KIF20B: variants seen among roughly 807,000 people sequenced by gnomAD.
The protein encoded by KIF20B is kinesin-like protein KIF20B.
KIF20B carries 188 observed loss-of-function variants against 232.5 expected under a neutral mutation model. The observed-to-expected ratio is 0.81, with a 90% CI of 0.72 to 0.91. The LOEUF (loss-of-function observed/expected upper bound fraction) is 0.91. Ranked by LOEUF, KIF20B falls within the 40% of genes least tolerant of loss-of-function variation. The pLI is 0.00. For missense variants in KIF20B, 2,154 were observed against 2,055.9 expected, an observed-to-expected ratio of 1.05 and a Z score of -0.92; for synonymous variants, 712 against 683.0, an observed-to-expected ratio of 1.04 and a Z score of -0.66.
chr10:89,741,505 AAAT>A (rs1286387830), intron 21 of KIF20B, among the ~76,000 whole-genome samples: 5 of 152,238 alleles, frequency 3.3e-5, no homozygotes, highest in African/African-American at 1.2e-4. Flanking sequence ...GTTTTAAAGC[AAAT>A]AATAATAATT....
chr10:89,705,298 G>T lies in KIF20B; in HGVS notation c.4G>T (p.Glu2Ter). The change falls in exon 2 of 33, where the codon GAA becomes TAA. Residue 2 changes from glutamate (E) to a stop codon, truncating the protein, a stop_gained. Transcript: ENST00000371728. LOFTEE classifies it high-confidence loss of function. Reference sequence around the variant, plus strand: ...AAGTTGCTGTTATTCTTGCAGAATGGAATCTAATTTTAATCAAGAGGGAGT... The same window carrying T: ...AAGTTGCTGTTATTCTTGCAGAATGTAATCTAATTTTAATCAAGAGGGAGT... M[E>*]SNFNQEGVPR... 6.2e-7 allele frequency: 1 copy of T among 1,613,488 alleles called. No individual in the cohort carries two copies. The highest frequency in any genetic ancestry group is 8.5e-7 in the Non-Finnish European group (1 of 1,179,786).
Position 89,709,431 on chromosome 10 carries a change from G to A in KIF20B, c.321G>A (p.Gly107=). The A allele has an allele frequency of 6.2e-7, 1 of 1,612,760 alleles. No individual in the cohort carries two copies. The change falls in exon 4 of 33, where the codon GGG becomes GGA. Residue 107 remains glycine, a synonymous_variant. Coordinates refer to ENST00000371728, the MANE Select transcript of KIF20B (RefSeq NM_001284259.2). ...ILGRLSEKSS[G]QMAQKFSFSK... ...GTCGGTTAAGTGAAAAAAGCTCAGGGCAGATGGCACAGAAATTCAGTTTTT... is the reference window on the plus strand; with the variant it reads ...GTCGGTTAAGTGAAAAAAGCTCAGGACAGATGGCACAGAAATTCAGTTTTT...
intron 16 of KIF20B, 32 bp from the exon 17 acceptor site, chr10:89,727,824 A>G (rs1304772927): frequency 6.6e-7 from 1 of 1,506,294 alleles, no homozygotes; most frequent in Non-Finnish European, 9.1e-7. Context: ...AGATGCTTAG[A>G]TATTTATTTT....
intron 13 of KIF20B, chr10:89,723,747 C>T: frequency 3.0e-6 from 1 of 331,730 alleles, no homozygotes; most frequent in Middle Eastern, 8.8e-4. Context: ...GACGAGTTAC[C>T]AAAGGTCTAT....
Position 89,719,694 on chromosome 10 carries a change from C to T in KIF20B, c.1710C>T (p.His570=), listed in dbSNP as rs747021376. The change falls in exon 13 of 33, where the codon CAC becomes CAT. Residue 570 remains histidine (H), a synonymous_variant. Coordinates refer to ENST00000371728, the MANE Select transcript of KIF20B (RefSeq NM_001284259.2). ...AGGAAAATAAGGCTTTCATTAGCCA[C>T]GAGGAGAAAAGAGTATGTATTAAGA... ...TLEENKAFIS[H]EEKRKLLDLI... 5.6e-6 allele frequency: 9 copies of T among 1,601,406 alleles called. No individual in the cohort carries two copies. The highest frequency in any genetic ancestry group is 2.7e-5 in the African/African-American group (2 of 73,836).
At chr10:89,702,552 T>C (rs1026470916) in intron 1 of KIF20B, among the ~76,000 whole-genome samples, 1 of 152,224 alleles carries the variant, frequency 6.6e-6, no homozygotes, top group Non-Finnish European at 1.5e-5. Context: ...GTGAAGACTT[T>C]TTTTGAGGCT....
At chr10:89,758,040 G>A (rs935765882) in intron 26 of KIF20B, among the ~76,000 whole-genome samples, 15 of 151,720 alleles carry the variant, frequency 9.9e-5, no homozygotes, top group Non-Finnish European at 2.2e-4. Flanking sequence ...CTGTCATTTT[G>A]TTCTTCATTT....
Position 89,745,963 on chromosome 10 carries a change from A to T in KIF20B, c.4096+4A>T. ...CAGTATGAGAGAGCATGCAAAGGTC[A>T]GGAACAAGTTTGTACTTCTGGAACC... is the stretch of plus-strand genomic sequence containing the variant. On this transcript the variant is annotated splice_donor_region_variant and intron_variant, in intron 23 of 32. Coordinates refer to ENST00000371728, the MANE Select transcript of KIF20B (RefSeq NM_001284259.2). The T allele has an allele frequency of 6.2e-7, 1 of 1,608,422 alleles. No individual in the cohort carries two copies. The highest frequency in any genetic ancestry group is 8.5e-7 in the Non-Finnish European group (1 of 1,174,874).
intron 2 of KIF20B, among the ~76,000 whole-genome samples, chr10:89,707,092 A>T (rs1220389618): frequency 6.6e-6 from 1 of 152,166 alleles, no homozygotes; most frequent in Non-Finnish European, 1.5e-5. Context: ...ATACTTGTCA[A>T]TGTAGAGGCC....
At chr10:89,752,774 T>C in intron 25 of KIF20B, 83 bp downstream of exon 25, 2 of 1,045,186 alleles carry the variant, frequency 1.9e-6, no homozygotes, top group South Asian at 4.6e-5. Context: ...GTATTTTATA[T>C]TTAGTAATTC....
chr10:89,730,457 A>G (rs531216657), intron 18 of KIF20B, among the ~76,000 whole-genome samples: 2 of 152,284 alleles, frequency 1.3e-5, no homozygotes, highest in Non-Finnish European at 1.5e-5. Context: ...GTCGTAGTCA[A>G]TGTGTGAAGC....
intron 1 of KIF20B, among the ~76,000 whole-genome samples, chr10:89,704,564 GTT>G (rs57907659): frequency 4.8e-5 from 7 of 144,782 alleles, no homozygotes; most frequent in African/African-American, 5.0e-5. Context: ...GTTTTGTTTT[GTT>G]TTTTTTTTTT....
At chr10:89,706,115 G>A (rs1249886379) in intron 2 of KIF20B, among the ~76,000 whole-genome samples, 1 of 152,144 alleles carries the variant, frequency 6.6e-6, no homozygotes, top group Non-Finnish European at 1.5e-5. Context: ...TCCCAGCAGT[G>A]GCAATGTATG....
At chr10:89,703,779 A>C (rs182864267) in intron 1 of KIF20B, among the ~76,000 whole-genome samples, 1 of 134,778 alleles carries the variant, frequency 7.4e-6, no homozygotes, top group South Asian at 2.3e-4. Flanking sequence ...TTTTTGACGC[A>C]GTCTTGCTCT....
At chr10:89,720,063 A>C (rs1342647148) in intron 13 of KIF20B, among the ~76,000 whole-genome samples, 4 of 152,164 alleles carry the variant, frequency 2.6e-5, no homozygotes, top group East Asian at 1.9e-4. Context: ...TTTCATACCC[A>C]AAAAATTTAA....
rs1265384180 is a variant in KIF20B at position 89,768,287 on chromosome 10, T to C, written c.4990-3T>C. The C allele has an allele frequency of 5.3e-6, 8 of 1,516,962 alleles. No individual in the cohort carries two copies. Among genetic ancestry groups the C allele is most frequent in the Non-Finnish European group, 7.2e-6 (8 of 1,109,666 alleles). 94.0% of individuals were successfully genotyped at this position (1,516,962 alleles called of 1,614,324 possible). On this transcript the variant is annotated splice_region_variant and splice_polypyrimidine_tract_variant and intron_variant, in intron 29 of 32. Coordinates refer to ENST00000371728, the MANE Select transcript of KIF20B (RefSeq NM_001284259.2). ...AACTGGTGCTAAAATTCATTATTTT[T>C]AGGACTTGGTGAAATGTGAAAATAA... is the stretch of plus-strand genomic sequence containing the variant.
Position 89,760,562 on chromosome 10 carries a change from A to G in KIF20B, c.4717A>G (p.Ser1573Gly). 6.2e-7 allele frequency: 1 copy of G among 1,613,028 alleles called. No homozygotes were observed. Among genetic ancestry groups the G allele is most frequent in the Non-Finnish European group, 8.5e-7 (1 of 1,179,224 alleles). The change falls in exon 28 of 33, where the codon AGT becomes GGT. Residue 1573 changes from serine (S) to glycine (G), a missense_variant. By Grantham distance (56) the Ser-to-Gly change is moderately conservative. Coordinates refer to ENST00000371728, the MANE Select transcript of KIF20B (RefSeq NM_001284259.2). ...QIMDIKPKRI[S>G]SADPDKLQTE... ...CATGGATATCAAGCCCAAACGTATT[A>G]GTTCAGCAGATCCTGACAAACTTCA... is the stretch of plus-strand genomic sequence containing the variant.
At chr10:89,702,916 G>A (rs1256576070) in intron 1 of KIF20B, among the ~76,000 whole-genome samples, 3 of 152,160 alleles carry the variant, frequency 2.0e-5, no homozygotes, top group African/African-American at 7.2e-5. Flanking sequence ...AGTTGGGAAG[G>A]CCACGTATAA....
chr10:89,719,573 T>C lies in KIF20B; in HGVS notation c.1589T>C (p.Met530Thr). 1 of 1,613,626 alleles carries C rather than the reference T, an allele frequency of 6.2e-7. No homozygotes were observed. Among genetic ancestry groups the C allele is most frequent in the East Asian group, 2.2e-5 (1 of 44,788 alleles). The change falls in exon 13 of 33, where the codon ATG becomes ACG. Residue 530 changes from methionine to threonine, a missense_variant. Physicochemically the swap from Met to Thr is moderately conservative, Grantham distance 81. Transcript: ENST00000371728. ...TGGGAAAATAGTCTAGAAGATTTGA[T>C]GGAAGACGAGGATTTGGTTGAGGAG... ...ISWENSLEDL[M>T]EDEDLVEELE...
Sources: allele counts gnomAD v4.1 joint callset (sites outside exome capture counted in the v4.1 genomes callset), GRCh38; gene constraint gnomAD v4.1.1; transcripts MANE v1.5; gene names NCBI Gene and HGNC (gene_info 2026-07-23, HGNC 2026-07-21).